TMEM178B: variants seen among roughly 807,000 people sequenced by gnomAD.
The protein encoded by TMEM178B is transmembrane protein 178B.
TMEM178B carries 5 observed loss-of-function variants against 31.0 expected under a neutral mutation model. The ratio of observed to expected loss-of-function variants is 0.16; its 90% CI spans 0.08 to 0.34. The LOEUF is 0.34. Among genes scored for constraint, TMEM178B ranks in the 10% least tolerant of loss-of-function variants. TMEM178B has a pLI of 1.00. For synonymous variants in TMEM178B, 164 were observed against 164.0 expected (o/e 1.00, Z 0.00); for missense variants, 275 against 400.3 (o/e 0.69, Z 2.67).
chr7:141,181,142 T>A (rs887082196), intron 1 of TMEM178B, among the ~76,000 whole-genome samples: 2 of 152,188 alleles, frequency 1.3e-5, no homozygotes, highest in East Asian at 1.9e-4. Flanking sequence ...TTTCAGTATT[T>A]GAGGCAAAAT....
chr7:141,450,802 C>T (rs1801849864), intron 3 of TMEM178B, among the ~76,000 whole-genome samples: 1 of 152,158 alleles, frequency 6.6e-6, no homozygotes, highest in Non-Finnish European at 1.5e-5. Context: ...TTAAGGTCAG[C>T]ATTACCACCC....
In TMEM178B at chr7:141,473,235, A is replaced by G. The variant is rs1007694953; in HGVS notation, c.*2449A>G. On this transcript the variant is annotated 3_prime_UTR_variant, in exon 4 of 4. Transcript: ENST00000565468. ...TACTTGGGCTTAAGGAAAAGTGAAG[A>G]AAAGTATCTCAGATTGAGAGGCCTT... 6 of 152,214 alleles carry G rather than the reference A, an allele frequency of 3.9e-5. No homozygotes were observed. Among genetic ancestry groups the G allele is most frequent in the African/African-American group, 1.4e-4 (6 of 41,448 alleles). 9.4% of individuals were successfully genotyped at this position (152,214 alleles called of 1,614,324 possible).
At position 141,119,085 on chromosome 7, in the gene TMEM178B, AG is replaced by A. The variant is rs1311148537; in HGVS notation, c.382+44394del. ...GGAGGAGGACTGGAAGGGGCATGGG[AG>A]AAAGGAAGCCTGCAGAGGCTGAGCC... On this transcript the variant is annotated intron_variant, in intron 1 of 3. Transcript: ENST00000565468. 7.2e-5 allele frequency among the ~76,000 whole-genome samples: 11 copies of A among 152,254 alleles called. No homozygotes were observed. In the East Asian group the frequency reaches 2.1e-3, roughly 29 times the overall value.
chr7:141,152,940 G>A (rs748450490), intron 1 of TMEM178B, among the ~76,000 whole-genome samples: 74 of 152,206 alleles, frequency 4.9e-4, no homozygotes, highest in Admixed American at 6.5e-4. Context: ...CTAGGAGATA[G>A]TACCAGAATC....
chr7:141,346,668 G>A (rs1476099683), intron 2 of TMEM178B, among the ~76,000 whole-genome samples: 2 of 149,140 alleles, frequency 1.3e-5, no homozygotes, highest in South Asian at 4.2e-4. Context: ...TTTTTTTTTT[G>A]GAGTCCTCAT....
rs146370959 is a variant in TMEM178B at position 141,172,084 on chromosome 7, A to C, written c.383-40507A>C. Among the ~76,000 whole-genome samples, 92 of 152,330 alleles carry C rather than the reference A, an allele frequency of 6.0e-4. No homozygotes were observed. The East Asian group carries it at 6.8e-3, about 11-fold the overall frequency. ...TGTGTGTTACACATTGCCCTTTTAC[A>C]GATGAGGAAACTGAGGCATATAGAG... On this transcript the variant is annotated intron_variant, in intron 1 of 3. Transcript: ENST00000565468.
chr7:141,247,447 G>A (rs189857221), intron 2 of TMEM178B, among the ~76,000 whole-genome samples: 18 of 152,288 alleles, frequency 1.2e-4, no homozygotes, highest in Admixed American at 7.8e-4. Flanking sequence ...CCAGACCCAT[G>A]AGGGACCCTG....
chr7:141,244,750 T>C (rs1286514473), intron 2 of TMEM178B, among the ~76,000 whole-genome samples: 2 of 152,150 alleles, frequency 1.3e-5, no homozygotes, highest in South Asian at 2.1e-4. Flanking sequence ...AGTGAAGTCA[T>C]AAAATAGGAT....
intron 2 of TMEM178B, among the ~76,000 whole-genome samples, chr7:141,237,963 G>T (rs1797555928): frequency 6.6e-6 from 1 of 150,766 alleles, no homozygotes; most frequent in Non-Finnish European, 1.5e-5. Context: ...AGCTGAGGTT[G>T]CAGTGAGCCG....
intron 2 of TMEM178B, among the ~76,000 whole-genome samples, chr7:141,375,936 C>T (rs577194159): frequency 6.6e-5 from 10 of 152,298 alleles, no homozygotes; most frequent in African/African-American, 1.4e-4. Context: ...ATGGGACCAA[C>T]GGGGAAGTAG....
rs1247573211 is a variant in TMEM178B at position 141,461,494 on chromosome 7, A to C, written c.635-9042A>C. ...TAGATATTTGGGCAAATGCCTGTGCACACAATGTGTAACTGCCCTGAATCT... is the reference window on the plus strand; with the variant it reads ...TAGATATTTGGGCAAATGCCTGTGCCCACAATGTGTAACTGCCCTGAATCT... On this transcript the variant is annotated intron_variant, in intron 3 of 3. Transcript: ENST00000565468. This position sits in a 1 kb window ranked among gnomAD's most constrained non-coding sequence, Gnocchi z 4.0. Among the ~76,000 whole-genome samples the C allele has an allele frequency of 1.3e-5, 2 of 152,252 alleles. No individual in the cohort carries two copies. Among genetic ancestry groups the C allele is most frequent in the African/African-American group, 2.4e-5 (1 of 41,470 alleles).
At chr7:141,099,980 C>T (rs1051203975) in intron 1 of TMEM178B, among the ~76,000 whole-genome samples, 1 of 151,978 alleles carries the variant, frequency 6.6e-6, no homozygotes, top group African/African-American at 2.4e-5. Flanking sequence ...CCACCACACC[C>T]GGCTAATTTT....
intron 2 of TMEM178B, among the ~76,000 whole-genome samples, chr7:141,238,393 T>C (rs565336083): frequency 6.6e-6 from 1 of 152,242 alleles, no homozygotes; most frequent in African/African-American, 2.4e-5. Context: ...CCTGGAAGAT[T>C]GTTGTATATC....
intron 2 of TMEM178B, chr7:141,352,558 T>C (rs1302798477): frequency 6.6e-6 from 1 of 152,244 alleles, no homozygotes; most frequent in African/African-American, 2.4e-5. Context: ...TTTTTTGTAT[T>C]TTTAGTAGAG....
At chr7:141,174,881 A>G (rs1469898804) in intron 1 of TMEM178B, among the ~76,000 whole-genome samples, 1 of 152,130 alleles carries the variant, frequency 6.6e-6, no homozygotes, top group African/African-American at 2.4e-5. Context: ...AGATGGATAG[A>G]TTGCAAAAAT....
At chr7:141,333,935 C>A (rs1053735526) in intron 2 of TMEM178B, among the ~76,000 whole-genome samples, 1 of 152,226 alleles carries the variant, frequency 6.6e-6, no homozygotes, top group African/African-American at 2.4e-5. Flanking sequence ...AGAGCTCTGG[C>A]GGTAATGCTC....
In TMEM178B at chr7:141,082,722, G is replaced by T. The variant is rs899719528; in HGVS notation, c.382+8030G>T. Among the ~76,000 whole-genome samples, 10 of 152,316 alleles carry T rather than the reference G, an allele frequency of 6.6e-5. No homozygotes were observed. The East Asian group carries it at 1.5e-3, about 24-fold the overall frequency. On this transcript the variant is annotated intron_variant, in intron 1 of 3. Transcript: ENST00000565468. ...CTACGTGTGGAGGGAGAACAAAAAG[G>T]CATGGTTGGTTCCTGTCCTAAGGGA...
rs1317456146 is a variant in TMEM178B, at chr7:141,215,788, TTCTTTC to T, written c.496+3086_496+3091del. Among the ~76,000 whole-genome samples the T allele has an allele frequency of 9.2e-3, 623 of 67,714 alleles. 3 individuals are homozygous for T. The highest frequency in any genetic ancestry group is 0.03 in the African/African-American group (599 of 19,986). The allele number at this position is 67,714 out of a possible 152,430, so 44.4% of individuals were successfully genotyped here. Reference sequence around the variant, plus strand: ...GAATTATATACTTTCCTTTCTTTCTTTCTTTCTTTCTTTCTTTCTTTCTTTCTTTCT... The same window carrying T: ...GAATTATATACTTTCCTTTCTTTCTTTTTCTTTCTTTCTTTCTTTCTTTCT... On this transcript the variant is annotated intron_variant, in intron 2 of 3. Transcript: ENST00000565468.
intron 2 of TMEM178B, among the ~76,000 whole-genome samples, chr7:141,254,962 A>G (rs909545162): frequency 6.6e-6 from 1 of 152,180 alleles, no homozygotes; most frequent in Non-Finnish European, 1.5e-5. Context: ...AAAGTTCCTT[A>G]TCTCCCTTGA....
Sources: gnomAD v4.1 joint callset for allele counts (sites outside exome capture counted in the v4.1 genomes callset) on GRCh38, gnomAD v4.1.1 for gene constraint, Gnocchi (gnomAD v3.1) non-coding constraint, MANE v1.5 for transcripts, NCBI Gene and HGNC (gene_info 2026-07-23, HGNC 2026-07-21) for gene names.